Variants in CLECL1 observed in about 807,000 individuals in gnomAD.
The protein encoded by CLECL1 is C-type lectin-like domain family 1.
chr12:9,722,799 A>G, exon 4 of CLECL1: 1 of 1,608,668 alleles, frequency 6.2e-7, no homozygotes, highest in Non-Finnish European at 8.5e-7. Flanking sequence ...TGGACAGTAG[A>G]AAAGTTGAAA....
downstream of CLECL1, among the ~76,000 whole-genome samples, chr12:9,714,328 C>G (rs1866219480): frequency 6.6e-6 from 1 of 152,166 alleles, no homozygotes; most frequent in African/African-American, 2.4e-5. Context: ...CAGAAGTTCA[C>G]CTGTTTTTAT....
the CLECL1 span, among the ~76,000 whole-genome samples, chr12:9,708,663 A>G: frequency 2.6e-5 from 4 of 152,186 alleles, 1 homozygote; most frequent in East Asian, 1.9e-4. Context: ...AGGCATAGAT[A>G]AGGGCAGTTA....
At chr12:9,732,698 C>T (rs1252798873) in intron 1 of CLECL1, among the ~76,000 whole-genome samples, 3 of 152,090 alleles carry the variant, frequency 2.0e-5, no homozygotes, top group Admixed American at 6.5e-5. Flanking sequence ...ACATTCATCA[C>T]GAGAAATCAA....
chr12:9,702,651 A>T, the CLECL1 span, among the ~76,000 whole-genome samples: 1 of 152,224 alleles, frequency 6.6e-6, no homozygotes, highest in Non-Finnish European at 1.5e-5. Context: ...CAAAAGGTAC[A>T]TTAAAATATA....
At chr12:9,720,283 A>G (rs1374805180), downstream of CLECL1, among the ~76,000 whole-genome samples, 1 of 150,470 alleles carries the variant, frequency 6.6e-6, no homozygotes, top group Non-Finnish European at 1.5e-5. Flanking sequence ...CTTTTAGTTT[A>G]TTGTGTAGAT....
At chr12:9,733,150 A>G (rs1330120750), upstream of CLECL1, 6 of 1,613,980 alleles carry the variant, frequency 3.7e-6, no homozygotes, top group Middle Eastern at 1.6e-4. Context: ...CTGCTCCCCA[A>G]GTGGGTGGTG....
intron 1 of CLECL1, 120 bp downstream of exon 1, chr12:9,732,829 A>G (rs1459398730): frequency 5.2e-6 from 4 of 770,906 alleles, no homozygotes; most frequent in Admixed American, 3.0e-5. Context: ...TTAGCATTCA[A>G]TGAATTTTGC....
chr12:9,703,387 TTTATTTA>T, the CLECL1 span, among the ~76,000 whole-genome samples: 13 of 151,264 alleles, frequency 8.6e-5, no homozygotes, highest in Admixed American at 8.6e-4. Context: ...TATTTATTTA[TTTATTTA>T]TTTATTTATT....
At chr12:9,711,740 T>G (rs1289992356), downstream of CLECL1, among the ~76,000 whole-genome samples, 1 of 152,134 alleles carries the variant, frequency 6.6e-6, no homozygotes, top group African/African-American at 2.4e-5. Context: ...CTTGTACCTC[T>G]TCTTATCTGT....
exon 3 of CLECL1, chr12:9,716,729 C>T: frequency 7.9e-7 from 1 of 1,260,166 alleles, no homozygotes; most frequent in Non-Finnish European, 1.0e-6. Flanking sequence ...CTCCTCAGCA[C>T]TGAAGTCTAG....
downstream of CLECL1, among the ~76,000 whole-genome samples, chr12:9,714,766 T>G (rs1866222312): frequency 6.6e-6 from 1 of 152,212 alleles, no homozygotes; most frequent in Admixed American, 6.5e-5. Context: ...TGGCCATTGA[T>G]CTCTTATTAC....
At chr12:9,722,551 A>C, downstream of CLECL1, 1 of 1,505,694 alleles carries the variant, frequency 6.6e-7, no homozygotes, top group Non-Finnish European at 8.9e-7. Flanking sequence ...CATGAAGTTG[A>C]AACTTCTTTT....
chr12:9,703,375 G>GTTATTTATTTAT, the CLECL1 span, among the ~76,000 whole-genome samples: 1,750 of 148,048 alleles, frequency 0.012, 9 homozygotes, highest in Admixed American at 0.015. Context: ...TTTGTGCTAG[G>GTTATTTATTTAT]TTATTTATTT....
the CLECL1 span, among the ~76,000 whole-genome samples, chr12:9,703,635 T>C: frequency 1.3e-5 from 2 of 152,110 alleles, no homozygotes; most frequent in South Asian, 4.1e-4. Flanking sequence ...GGTCAAACAA[T>C]CTACCTGCCT....
intron 3 of CLECL1, among the ~76,000 whole-genome samples, 181 bp from the exon 2 acceptor site, chr12:9,722,994 C>T (rs1866333344): frequency 1.3e-5 from 2 of 152,138 alleles, no homozygotes; most frequent in African/African-American, 4.8e-5. Flanking sequence ...TGTGTATATT[C>T]ATTAATTCAT....
downstream of CLECL1, among the ~76,000 whole-genome samples, chr12:9,717,655 A>C (rs1313918442): frequency 6.6e-6 from 1 of 152,246 alleles, no homozygotes; most frequent in Non-Finnish European, 1.5e-5. Flanking sequence ...GCTTTCTTGC[A>C]TGAATTACCT....
At chr12:9,708,434 C>A in the CLECL1 span, among the ~76,000 whole-genome samples, 2 of 152,160 alleles carry the variant, frequency 1.3e-5, no homozygotes, top group African/African-American at 4.8e-5. Flanking sequence ...CAAACAGCTT[C>A]TGAAACGCCT....
At chr12:9,712,533 TTTTA>T (rs771470662), downstream of CLECL1, among the ~76,000 whole-genome samples, 7 of 152,342 alleles carry the variant, frequency 4.6e-5, no homozygotes, top group Non-Finnish European at 8.8e-5. Context: ...TCCGTATGCC[TTTTA>T]TTTATTTTTC....
At chr12:9,712,568 A>C (rs59725988), downstream of CLECL1, among the ~76,000 whole-genome samples, 2,175 of 152,306 alleles carry the variant, frequency 0.014, 45 homozygotes, top group African/African-American at 0.043. Context: ...GCACTAAATA[A>C]AACTTCTATT....
Sources: gnomAD v4.1 joint callset for allele counts (sites outside exome capture counted in the v4.1 genomes callset) on GRCh38, gnomAD v4.1.1 for gene constraint, MANE v1.5 for transcripts, NCBI Gene and HGNC (gene_info 2026-07-23, HGNC 2026-07-21) for gene names.